The following ZFHX4 variants were observed in gnomAD, a reference collection of about 807,000 sequenced individuals.
The protein encoded by ZFHX4 is zinc finger homeobox 4, also known as zinc finger homeobox protein 4.
In ZFHX4, 56 loss-of-function variants were observed where a neutral mutation model predicts 267.6. The observed-to-expected ratio is 0.21, with a 90% confidence interval of 0.17 to 0.26. The LOEUF (loss-of-function observed/expected upper bound fraction) is 0.26. ZFHX4 is among the 10% of genes least tolerant of loss of function. The pLI, the probability that ZFHX4 is intolerant of heterozygous loss-of-function variation, is 1.00. For missense variants in ZFHX4, 4,332 were observed against 4,420.0 expected (o/e 0.98, Z 0.56); for synonymous variants, 1,778 against 1,665.6 (o/e 1.07, Z -1.64).
chr8:76,776,760 C>T (rs1810410309), intron 3 of ZFHX4, among the ~76,000 whole-genome samples: 1 of 152,072 alleles, frequency 6.6e-6, no homozygotes, highest in Admixed American at 6.6e-5. Flanking sequence ...TTGAGAATGA[C>T]GCTTTAGAAC....
chr8:76,730,705 T>A lies in ZFHX4; in HGVS notation c.3093+22657T>A, dbSNP rs190702829. Among the ~76,000 whole-genome samples the A allele has an allele frequency of 5.6e-3, 843 of 151,792 alleles. 10 individuals are homozygous for A. Among genetic ancestry groups the A allele is most frequent in the African/African-American group, 0.018 (732 of 41,388 alleles). On this transcript the variant is annotated intron_variant, in intron 3 of 10. Coordinates refer to ENST00000651372, the MANE Select transcript of ZFHX4 (RefSeq NM_024721.5). ...CAGAGCGAGACTCCATCTGAAAAAA[T>A]AAATAAATAAATAAATAAAACTATT...
intron 3 of ZFHX4, among the ~76,000 whole-genome samples, chr8:76,754,147 C>T (rs571239110): frequency 1.2e-4 from 19 of 152,036 alleles, no homozygotes; most frequent in East Asian, 9.7e-4. Flanking sequence ...TATTTGTTTA[C>T]GTATCTTTAC....
Position 76,707,754 on chromosome 8 carries a change from G to A in ZFHX4, c.2799G>A (p.Glu933=), listed in dbSNP as rs780807011. The change falls in exon 3 of 11, where the codon GAG becomes GAA. Residue 933 remains glutamate (E), a synonymous_variant. Coordinates refer to ENST00000651372, the MANE Select transcript of ZFHX4 (RefSeq NM_024721.5). The part of the protein sequence containing the change: ...HVSSERSLPE[E]EWRAVIGDIY... ...GCAGTGAGCGCTCTCTCCCTGAAGA[G>A]GAATGGAGGGCAGTAATTGGAGATA... 33 of 1,613,782 alleles carry A rather than the reference G, an allele frequency of 2.0e-5. No homozygotes were observed. Among genetic ancestry groups the A allele is most frequent in the Non-Finnish European group, 2.7e-5 (32 of 1,179,880 alleles).
chr8:76,705,862 G>A lies in ZFHX4; in HGVS notation c.1774G>A (p.Gly592Ser), dbSNP rs1181443308. The change falls in exon 2 of 11, where the codon GGC (glycine) becomes AGC (serine). Residue 592 changes from glycine to serine, a missense_variant. Transcript: ENST00000651372. ...EDSSATPHQH[G>S]FTPSTPGTPG... ...CAGTTCAGCCACTCCTCACCAGCAT[G>A]GCTTTACCCCGAGTACTCCTGGCAC... 6.2e-7 allele frequency: 1 copy of A among 1,613,860 alleles called. No individual in the cohort carries two copies. The highest frequency in any genetic ancestry group is 1.7e-5 in the Admixed American group (1 of 60,006).
chr8:76,724,250 G>C (rs1037510028), intron 3 of ZFHX4, among the ~76,000 whole-genome samples: 3 of 151,926 alleles, frequency 2.0e-5, no homozygotes, highest in African/African-American at 7.2e-5. Flanking sequence ...AGATCTTAAG[G>C]CTCCAAGAGA....
intron 1 of ZFHX4, among the ~76,000 whole-genome samples, chr8:76,689,578 A>G (rs1272125614): frequency 6.6e-6 from 1 of 152,126 alleles, no homozygotes; most frequent in East Asian, 1.9e-4. Flanking sequence ...GCTTTTAATG[A>G]GGGCTCGATG....
intron 4 of ZFHX4, among the ~76,000 whole-genome samples, chr8:76,810,518 C>T (rs1585968889): frequency 2.0e-5 from 3 of 152,234 alleles, no homozygotes; most frequent in African/African-American, 4.8e-5. Context: ...TTAACCCTGG[C>T]CTCCAATGCT....
rs1563563581 is a variant in ZFHX4, at chr8:76,854,474, C to T, written c.7553C>T (p.Ala2518Val). The change falls in exon 10 of 11, where the codon GCT becomes GTT. Residue 2518 changes from alanine to valine, a missense_variant. Transcript: ENST00000651372. ...GAACACCAGCACATGCACTTCCTTG[C>T]TGCTCAAAACCAATTCCTTCACTCT... ...WQEHQHMHFL[A>V]AQNQFLHSPF... 2 of 1,613,896 alleles carry T rather than the reference C, an allele frequency of 1.2e-6. No individual in the cohort carries two copies. The highest frequency in any genetic ancestry group is 1.7e-6 in the Non-Finnish European group (2 of 1,179,870).
chr8:76,845,547 C>A (rs1211999184), intron 6 of ZFHX4, among the ~76,000 whole-genome samples: 2 of 151,974 alleles, frequency 1.3e-5, no homozygotes, highest in Non-Finnish European at 1.5e-5. Context: ...AGTTGAATAA[C>A]ATCTGTTATA....
At position 76,793,881 on chromosome 8, in the gene ZFHX4, C is replaced by G. The variant is rs76271776; in HGVS notation, c.3325+15442C>G. The stretch of plus-strand genomic sequence containing the variant: ...AGTAGACAAATATAGGTGATTCTTA[C>G]GAGTACGTAAGACTGGTTTGAGTAG... On this transcript the variant is annotated intron_variant, in intron 4 of 10. Coordinates refer to ENST00000651372, the MANE Select transcript of ZFHX4 (RefSeq NM_024721.5). 7.4e-3 allele frequency among the ~76,000 whole-genome samples: 1,120 copies of G among 152,096 alleles called. 19 individuals are homozygous for G. Among genetic ancestry groups the G allele is most frequent in the African/African-American group, 0.024 (985 of 41,472 alleles).
chr8:76,753,940 A>G (rs1405282706), intron 3 of ZFHX4, among the ~76,000 whole-genome samples: 1 of 3,156 alleles, frequency 3.2e-4, no homozygotes. Flanking sequence ...CATTTTTTAT[A>G]TGCAAAAAAA....
chr8:76,699,060 G>T (rs1044199677), intron 1 of ZFHX4, among the ~76,000 whole-genome samples: 3 of 152,134 alleles, frequency 2.0e-5, no homozygotes. Flanking sequence ...GGTTCACTCC[G>T]AATCAGCTGT....
intron 4 of ZFHX4, among the ~76,000 whole-genome samples, chr8:76,800,264 G>A (rs977310120): frequency 3.9e-5 from 6 of 152,210 alleles, no homozygotes; most frequent in African/African-American, 9.6e-5. Context: ...GGAAATAAAC[G>A]CCCTGTTTGA....
chr8:76,748,587 A>G (rs1277875851), intron 3 of ZFHX4, among the ~76,000 whole-genome samples: 1 of 152,030 alleles, frequency 6.6e-6, no homozygotes, highest in Non-Finnish European at 1.5e-5. Flanking sequence ...GGCACACATC[A>G]CCATAACCTG....
intron 4 of ZFHX4, among the ~76,000 whole-genome samples, chr8:76,831,625 A>G (rs980186424): frequency 2.0e-5 from 3 of 152,218 alleles, no homozygotes; most frequent in Non-Finnish European, 2.9e-5. Flanking sequence ...GAAAAGCTGC[A>G]TTTGAACAAC....
chr8:76,713,068 T>G (rs1430871561), intron 3 of ZFHX4, among the ~76,000 whole-genome samples: 1 of 152,216 alleles, frequency 6.6e-6, no homozygotes, highest in African/African-American at 2.4e-5. Context: ...TGGCCAGCCC[T>G]ATCAACTATG....
chr8:76,691,634 T>C (rs1807826577), intron 1 of ZFHX4, among the ~76,000 whole-genome samples: 2 of 152,162 alleles, frequency 1.3e-5, no homozygotes, highest in South Asian at 4.1e-4. Flanking sequence ...TTAATAGGAA[T>C]CTTATTCAAC....
Position 76,706,538 on chromosome 8 carries a change from A to C in ZFHX4, c.2450A>C (p.Glu817Ala). Reference protein sequence around the residue: ...HNLHLGLAPAEAELYQYYLAQ... With the variant: ...HNLHLGLAPAAAELYQYYLAQ... The stretch of plus-strand genomic sequence containing the variant: ...CTGCACTTGGGCCTCGCCCCGGCGG[A>C]AGCAGAGCTTTATCAGTACTACCTA... Residue 817 changes from glutamate (E) to alanine (A), a missense_variant, in exon 2 of 11, where the codon GAA becomes GCA. Transcript: ENST00000651372. The C allele has an allele frequency of 6.2e-7, 1 of 1,613,278 alleles. No homozygotes were observed.
chr8:76,741,729 C>A (rs1809320993), intron 3 of ZFHX4, among the ~76,000 whole-genome samples: 1 of 152,160 alleles, frequency 6.6e-6, no homozygotes, highest in South Asian at 2.1e-4. Flanking sequence ...TAAAAATAAT[C>A]AGAAAGTCTC....
Sources: gnomAD v4.1 joint callset for allele counts (sites outside exome capture counted in the v4.1 genomes callset) on GRCh38, gnomAD v4.1.1 for gene constraint, MANE v1.5 for transcripts, NCBI Gene and HGNC (gene_info 2026-07-23, HGNC 2026-07-21) for gene names.